Variants in BRD7 observed in about 807,000 individuals in gnomAD.
BRD7 encodes bromodomain containing 7.
A neutral mutation model predicts 82.1 loss-of-function variants in BRD7; 15 were observed. The observed-to-expected ratio is 0.18, with a 90% confidence interval of 0.12 to 0.28. The LOEUF (loss-of-function observed/expected upper bound fraction) is 0.28, where lower values mean the gene tolerates loss of function less well. Among genes scored for constraint, BRD7 ranks in the 10% least tolerant of loss-of-function variants. The pLI, the probability that BRD7 is intolerant of heterozygous loss-of-function variation, is 1.00. For missense variants in BRD7, 638 were observed against 779.9 expected, an observed-to-expected ratio of 0.82 and a Z score of 2.17; for synonymous variants, 232 against 266.9, an observed-to-expected ratio of 0.87 and a Z score of 1.27.
chr16:50,320,549 G>A, intron 14 of BRD7, 114 bp downstream of exon 14: 1 of 1,406,436 alleles, frequency 7.1e-7, no homozygotes, highest in Non-Finnish European at 1.0e-6. Context: ...ATTTAACTTG[G>A]TAAGCCAAGA....
rs1227942245 is a variant in BRD7, at chr16:50,320,717, C to T, written c.1558G>A (p.Ala520Thr). The T allele has an allele frequency of 1.9e-6, 3 of 1,614,200 alleles. No homozygotes were observed. Among genetic ancestry groups the T allele is most frequent in the Non-Finnish European group, 2.5e-6 (3 of 1,180,026 alleles). Residue 520 changes from alanine (A) to threonine (T), a missense_variant, in exon 14 of 17, where the codon GCG becomes ACG. Around this residue, in one of 3 missense-constraint regions of BRD7, gnomAD observed 402 missense variants for 500.8 expected, o/e 0.80. Transcript: ENST00000394688. ...CCAAAATTTGTTACTGCTTTCAGCG[C>T]TATGAGCCTGTCTTGAGTACTGGAG... ...LDSSTQDRLI[A>T]LKAVTNFGVP...
intron 6 of BRD7, among the ~76,000 whole-genome samples, chr16:50,337,537 G>A (rs1471909620): frequency 6.6e-6 from 1 of 151,970 alleles, no homozygotes; most frequent in Non-Finnish European, 1.5e-5. Context: ...TGGGATTACA[G>A]GCATGAGCCA....
intron 14 of BRD7, 101 bp from the exon 15 acceptor site, chr16:50,320,492 C>A: frequency 6.6e-7 from 1 of 1,521,364 alleles, no homozygotes. Flanking sequence ...CTTCTCCCTT[C>A]AAAAGAGTAA....
At chr16:50,321,666 T>C (rs1013773509) in intron 13 of BRD7, among the ~76,000 whole-genome samples, 4 of 150,018 alleles carry the variant, frequency 2.7e-5, no homozygotes, top group Non-Finnish European at 5.9e-5. Flanking sequence ...TTTTTAGGAA[T>C]AGATCAACCC....
At chr16:50,357,057 T>G (rs552430181) in intron 2 of BRD7, among the ~76,000 whole-genome samples, 1 of 150,598 alleles carries the variant, frequency 6.6e-6, no homozygotes, top group South Asian at 2.1e-4. Flanking sequence ...AAACAAAAAT[T>G]TTATTTTGCA....
At chr16:50,345,756 CA>C (rs1439628680) in intron 5 of BRD7, among the ~76,000 whole-genome samples, 3 of 152,118 alleles carry the variant, frequency 2.0e-5, no homozygotes, top group Non-Finnish European at 2.9e-5. Context: ...CAGGAGCACC[CA>C]GATTCATAAA....
chr16:50,317,956 A>G lies in BRD7; in HGVS notation c.*1255T>C, dbSNP rs916168617. On this transcript the variant is annotated 3_prime_UTR_variant, in exon 17 of 17. Transcript: ENST00000394688. ...ATTAACCACTGTATACTTTGTGTAT[A>G]TAATAGGTCAGTGTAAAGAAATATG... The G allele has an allele frequency of 3.3e-5, 5 of 152,366 alleles. No homozygotes were observed. Among genetic ancestry groups the G allele is most frequent in the African/African-American group, 4.8e-5 (2 of 41,462 alleles). The allele number at this position is 152,366 out of a possible 1,614,324, so 9.4% of individuals were successfully genotyped here. A position where few individuals can be genotyped will look rare whatever the true frequency, so the allele number is the denominator to read the frequency against.
intron 11 of BRD7, 61 bp downstream of exon 11, chr16:50,325,687 A>G (rs2037306739): frequency 1.4e-6 from 2 of 1,460,960 alleles, no homozygotes; most frequent in Non-Finnish European, 9.1e-7. Flanking sequence ...CTATCCACAA[A>G]TCATGTATGT....
intron 2 of BRD7, among the ~76,000 whole-genome samples, chr16:50,355,906 A>G (rs550590326): frequency 6.6e-6 from 1 of 152,350 alleles, no homozygotes; most frequent in South Asian, 2.1e-4. Flanking sequence ...AGACTGAGAT[A>G]AAGTACTTGA....
intron 2 of BRD7, among the ~76,000 whole-genome samples, chr16:50,359,204 A>G (rs1597094921): frequency 6.6e-6 from 1 of 152,378 alleles, no homozygotes; most frequent in East Asian, 1.9e-4. Flanking sequence ...GTTAAGGAAG[A>G]AGAGTTTACA....
At chr16:50,337,535 C>T (rs2037860727) in intron 6 of BRD7, among the ~76,000 whole-genome samples, 1 of 152,106 alleles carries the variant, frequency 6.6e-6, no homozygotes, top group Non-Finnish European at 1.5e-5. Flanking sequence ...GTTGGGATTA[C>T]AGGCATGAGC....
rs541273431 is a variant in BRD7 at position 50,338,110 on chromosome 16, G to A, written c.702+1866C>T. On this transcript the variant is annotated intron_variant, in intron 6 of 16. Coordinates refer to ENST00000394688, the MANE Select transcript of BRD7 (RefSeq NM_013263.5). ...TGTACATATTTTGGAGTGACTAAAG[G>A]CTGCATTTGACAAATGCATTTTTAC... Among the ~76,000 whole-genome samples the A allele has an allele frequency of 1.1e-4, 16 of 152,242 alleles. No individual in the cohort carries two copies. In the South Asian group the frequency reaches 1.4e-3, roughly 14 times the overall value.
At chr16:50,333,423 G>T in intron 8 of BRD7, 151 bp downstream of exon 8, 1 of 989,890 alleles carries the variant, frequency 1.0e-6, no homozygotes, top group Non-Finnish European at 1.5e-6. Context: ...GGAATTGTCT[G>T]TCCATTATTA....
chr16:50,328,889 A>G (rs1413903962), intron 8 of BRD7, 145 bp from the exon 9 acceptor site: 1 of 627,868 alleles, frequency 1.6e-6, no homozygotes, highest in African/African-American at 1.8e-5. Context: ...ATAATGAGAT[A>G]TCTTAGGGAT....
intron 2 of BRD7, among the ~76,000 whole-genome samples, chr16:50,358,623 T>C (rs1390975832): frequency 1.3e-5 from 2 of 152,192 alleles, no homozygotes; most frequent in Non-Finnish European, 2.9e-5. Flanking sequence ...TTATTTATCT[T>C]ACAGAGTTGA....
rs139595293 is a variant in BRD7 at position 50,360,543 on chromosome 16, C to G, written c.259-5621G>C. On this transcript the variant is annotated intron_variant, in intron 2 of 16. Coordinates refer to ENST00000394688, the MANE Select transcript of BRD7 (RefSeq NM_013263.5). ...TATGATGCTTTCCCCTAGCTGCCCA[C>G]GGCAGAATGACGCATACCTTTCCCT... 2.0e-5 allele frequency among the ~76,000 whole-genome samples: 3 copies of G among 152,290 alleles called. No homozygotes were observed. The East Asian group carries it at 5.8e-4, about 29-fold the overall frequency.
chr16:50,353,671 G>A (rs2038623176), intron 4 of BRD7, among the ~76,000 whole-genome samples: 1 of 151,816 alleles, frequency 6.6e-6, no homozygotes, highest in South Asian at 2.1e-4. Flanking sequence ...TCGGCTCACT[G>A]CAAGCTCCAT....
At chr16:50,323,949 A>G (rs766548811) in intron 11 of BRD7, among the ~76,000 whole-genome samples, 5 of 152,270 alleles carry the variant, frequency 3.3e-5, no homozygotes, top group South Asian at 4.1e-4. Context: ...CAGTCCCTGG[A>G]TCTTCTGCTC....
chr16:50,353,024 G>A (rs1405290413), intron 4 of BRD7, among the ~76,000 whole-genome samples: 8 of 150,850 alleles, frequency 5.3e-5, no homozygotes, highest in Non-Finnish European at 8.8e-5. Context: ...ATAAAGACTA[G>A]ATGTAATTTT....
Sources: gnomAD v4.1 joint callset for allele counts (sites outside exome capture counted in the v4.1 genomes callset) on GRCh38, gnomAD v4.1.1 for gene constraint, gnomAD v4.1.1 regional missense constraint, MANE v1.5 for transcripts, NCBI Gene and HGNC (gene_info 2026-07-23, HGNC 2026-07-21) for gene names.